Variants in SH3GL2 observed in about 807,000 individuals in gnomAD.
SH3GL2 encodes the protein SH3 domain containing GRB2 like 2, endophilin A1.
A neutral mutation model predicts 46.0 loss-of-function variants in SH3GL2; 24 were observed. That is an observed-to-expected ratio of 0.52 (90% CI 0.38 to 0.73). The LOEUF (loss-of-function observed/expected upper bound fraction) is 0.73, where lower values mean the gene tolerates loss of function less well. SH3GL2 is among the 30% of genes least tolerant of loss of function. The probability of loss-of-function intolerance (pLI) is 0.00; values close to 1 mark genes in which losing one functional copy is unlikely to be tolerated. For synonymous variants in SH3GL2, 196 were observed against 147.1 expected (o/e 1.33, Z -2.40); for missense variants, 413 against 424.2 (o/e 0.97, Z 0.23).
At chr9:17,744,190 G>C (rs1822614972) in intron 1 of SH3GL2, among the ~76,000 whole-genome samples, 1 of 152,040 alleles carries the variant, frequency 6.6e-6, no homozygotes, top group African/African-American at 2.4e-5. Context: ...TAAGACAAGA[G>C]GGGACTGACA....
At chr9:17,593,767 T>C (rs1438831137) in intron 1 of SH3GL2, among the ~76,000 whole-genome samples, 1 of 152,224 alleles carries the variant, frequency 6.6e-6, no homozygotes, top group Non-Finnish European at 1.5e-5. Flanking sequence ...AGACATGTTC[T>C]TTAAGAGAAG....
chr9:17,601,886 G>C (rs1818679111), intron 1 of SH3GL2, among the ~76,000 whole-genome samples: 1 of 152,134 alleles, frequency 6.6e-6, no homozygotes, highest in African/African-American at 2.4e-5. Context: ...ATAGGTAAAA[G>C]TAATTACAAT....
chr9:17,791,952 G>C (rs1278747930), intron 7 of SH3GL2, among the ~76,000 whole-genome samples: 2 of 152,234 alleles, frequency 1.3e-5, no homozygotes, highest in Non-Finnish European at 2.9e-5. Context: ...CCGTGGAGTT[G>C]TGGGGCACAG....
intron 3 of SH3GL2, among the ~76,000 whole-genome samples, chr9:17,780,418 C>T (rs1490337651): frequency 2.0e-5 from 3 of 151,952 alleles, no homozygotes; most frequent in Non-Finnish European, 4.4e-5. Context: ...CCATTTTCTC[C>T]ACTGATGAGC....
chr9:17,739,179 C>G (rs1716820583), intron 1 of SH3GL2, among the ~76,000 whole-genome samples: 1 of 152,116 alleles, frequency 6.6e-6, no homozygotes, highest in African/African-American at 2.4e-5. Flanking sequence ...CAGAAATTTT[C>G]TCTTAACAAA....
chr9:17,744,116 TG>T (rs1822613536), intron 1 of SH3GL2, among the ~76,000 whole-genome samples: 1 of 152,144 alleles, frequency 6.6e-6, no homozygotes, highest in African/African-American at 2.4e-5. Context: ...TTTTATTGTG[TG>T]GGAATTCAGC....
intron 1 of SH3GL2, among the ~76,000 whole-genome samples, chr9:17,643,727 C>T (rs1435681523): frequency 6.6e-6 from 1 of 152,090 alleles, no homozygotes; most frequent in African/African-American, 2.4e-5. Context: ...CTGCTGGATT[C>T]GGTTTGTCAG....
At chr9:17,693,059 G>A (rs1821122121) in intron 1 of SH3GL2, among the ~76,000 whole-genome samples, 2 of 152,148 alleles carry the variant, frequency 1.3e-5, no homozygotes, top group South Asian at 4.2e-4. Flanking sequence ...ATTTGGATGG[G>A]GACACAGCCA....
chr9:17,603,749 A>G (rs541120449), intron 1 of SH3GL2, among the ~76,000 whole-genome samples: 9 of 152,106 alleles, frequency 5.9e-5, no homozygotes, highest in Admixed American at 2.0e-4. Flanking sequence ...AATCCCAGCT[A>G]CTCGGGAGGC....
chr9:17,726,365 A>T (rs1344485681), intron 1 of SH3GL2, among the ~76,000 whole-genome samples: 2 of 152,174 alleles, frequency 1.3e-5, no homozygotes, highest in African/African-American at 4.8e-5. Context: ...ATGCTACTTC[A>T]TAGTAAGTAC....
rs187477584 is a variant in SH3GL2 at position 17,641,435 on chromosome 9, A to C, written c.45+62148A>C. ...GCTAAAACATGGAGAAACCTTGAAA[A>C]CTTTACTTATTTATTTTTATTATAC... On this transcript the variant is annotated intron_variant, in intron 1 of 8. Coordinates refer to ENST00000380607, the MANE Select transcript of SH3GL2 (RefSeq NM_003026.5). 1.9e-4 allele frequency among the ~76,000 whole-genome samples: 29 copies of C among 152,146 alleles called. No individual in the cohort carries two copies. The East Asian group carries it at 3.1e-3, about 16-fold the overall frequency.
intron 1 of SH3GL2, among the ~76,000 whole-genome samples, chr9:17,726,505 T>A (rs1045405085): frequency 6.6e-6 from 1 of 152,138 alleles, no homozygotes. Context: ...TGGAAGTAGG[T>A]TTTGACTCTG....
chr9:17,622,295 G>A (rs890398243), intron 1 of SH3GL2, among the ~76,000 whole-genome samples: 5 of 152,084 alleles, frequency 3.3e-5, no homozygotes, highest in Non-Finnish European at 7.4e-5. Context: ...TAGGAGAATC[G>A]TAATATGCAA....
At chr9:17,721,921 G>T (rs1185535396) in intron 1 of SH3GL2, among the ~76,000 whole-genome samples, 1 of 152,070 alleles carries the variant, frequency 6.6e-6, no homozygotes, top group Non-Finnish European at 1.5e-5. Flanking sequence ...TGAGATGGGG[G>T]TTAGTTCTGG....
At chr9:17,731,566 G>A (rs1368888465) in intron 1 of SH3GL2, among the ~76,000 whole-genome samples, 5 of 152,028 alleles carry the variant, frequency 3.3e-5, no homozygotes, top group Non-Finnish European at 5.9e-5. Flanking sequence ...GGAATTGAGC[G>A]TTCACCAAAA....
chr9:17,620,977 A>G (rs1336403924), intron 1 of SH3GL2, among the ~76,000 whole-genome samples: 2 of 152,192 alleles, frequency 1.3e-5, no homozygotes, highest in Non-Finnish European at 1.5e-5. Context: ...GAGTTTTTAA[A>G]AAATACTTAT....
intron 1 of SH3GL2, among the ~76,000 whole-genome samples, chr9:17,585,574 T>A (rs915855761): frequency 6.6e-6 from 1 of 151,886 alleles, no homozygotes; most frequent in Non-Finnish European, 1.5e-5. Context: ...ACACGTGGGG[T>A]GGAGGTGACA....
intron 1 of SH3GL2, among the ~76,000 whole-genome samples, chr9:17,593,450 C>T (rs1172296977): frequency 2.0e-5 from 3 of 151,784 alleles, no homozygotes; most frequent in African/African-American, 7.3e-5. Context: ...AATCCCCACA[C>T]ATTTTGGTAA....
At chr9:17,680,309 C>T (rs1197821158) in intron 1 of SH3GL2, among the ~76,000 whole-genome samples, 1 of 152,116 alleles carries the variant, frequency 6.6e-6, no homozygotes, top group Non-Finnish European at 1.5e-5. Context: ...ATTTCAGAGC[C>T]TGCTATTAGT....
Sources: allele counts gnomAD v4.1 joint callset (sites outside exome capture counted in the v4.1 genomes callset), GRCh38; gene constraint gnomAD v4.1.1; transcripts MANE v1.5; gene names NCBI Gene and HGNC (gene_info 2026-07-23, HGNC 2026-07-21).